The following ROBO3 variants were observed in gnomAD, a reference collection of about 807,000 sequenced individuals.
ROBO3 encodes the protein roundabout guidance receptor 3.
ROBO3 carries 97 observed loss-of-function variants against 160.5 expected under a neutral mutation model. The ratio of observed to expected loss-of-function variants is 0.60; its 90% CI spans 0.51 to 0.72. The LOEUF (loss-of-function observed/expected upper bound fraction) is 0.72, where lower values mean the gene tolerates loss of function less well. Ranked by LOEUF, ROBO3 falls within the 30% of genes least tolerant of loss-of-function variation. ROBO3 has a pLI of 0.00. For synonymous variants in ROBO3, 780 were observed against 746.2 expected (o/e 1.05, Z -0.74); for missense variants, 1,858 against 1,846.5 (o/e 1.01, Z -0.11).
Position 124,872,815 on chromosome 11 carries a change from T to A in ROBO3, c.1331-69T>A. 7.6e-7 allele frequency: 1 copy of A among 1,319,102 alleles called. No individual in the cohort carries two copies. Among genetic ancestry groups the A allele is most frequent in the East Asian group, 2.5e-5 (1 of 39,652 alleles). The allele number at this position is 1,319,102 out of a possible 1,614,324, so 81.7% of individuals were successfully genotyped here. A position where few individuals can be genotyped will look rare whatever the true frequency, so the allele number is the denominator to read the frequency against. ...GTAGGGAGGGTGAAGGAGCAGAGAA[T>A]GAGGACAAGGGGCTGCCCGCGGGGC... is the stretch of plus-strand genomic sequence containing the variant. On this transcript the variant is annotated intron_variant, in intron 8 of 27. Coordinates refer to ENST00000397801, the MANE Select transcript of ROBO3 (RefSeq NM_022370.4). This position sits in a 1 kb window ranked among gnomAD's most constrained non-coding sequence, Gnocchi z 4.3.
At chr11:124,879,999 G>A (rs1591523030) in intron 26 of ROBO3, 51 bp downstream of exon 26, 4 of 1,483,368 alleles carry the variant, frequency 2.7e-6, no homozygotes, top group African/African-American at 2.8e-5. Flanking sequence ...GAGACTGTGG[G>A]CTTTGGGACT....
chr11:124,878,897 G>C lies in ROBO3; in HGVS notation c.3533+101G>C. 9.6e-7 allele frequency: 1 copy of C among 1,036,872 alleles called. No homozygotes were observed. Among genetic ancestry groups the C allele is most frequent in the Non-Finnish European group, 1.4e-6 (1 of 704,834 alleles). 64.2% of individuals were successfully genotyped at this position (1,036,872 alleles called of 1,614,324 possible). A position where few individuals can be genotyped will look rare whatever the true frequency, so the allele number is the denominator to read the frequency against. On this transcript the variant is annotated intron_variant, in intron 23 of 27. Coordinates refer to ENST00000397801, the MANE Select transcript of ROBO3 (RefSeq NM_022370.4). This position sits in a 1 kb window ranked among gnomAD's most constrained non-coding sequence, Gnocchi z 4.3. Reference sequence around the variant, plus strand: ...ATGGATGGATGGGTGGATGGATCTGGGGTACAGAGGTCTCAGGGCTGTGTC... The same window carrying C: ...ATGGATGGATGGGTGGATGGATCTGCGGTACAGAGGTCTCAGGGCTGTGTC...
In ROBO3 at chr11:124,880,423, G is replaced by A. The variant is rs1407753314; in HGVS notation, c.3964G>A (p.Ala1322Thr). The change falls in exon 27 of 28, where the codon GCC (alanine) becomes ACC (threonine). Residue 1322 changes from alanine (A) to threonine (T), a missense_variant. Transcript: ENST00000397801. ...CCTTCCCTCTTGTGCTGCAGAAGAG[G>A]CCTGGCTCCCATACAGCAGACCAAG... is the stretch of plus-strand genomic sequence containing the variant. ...AQRVLHPDEE[A>T]WLPYSRPSFL... The A allele has an allele frequency of 1.2e-6, 2 of 1,613,306 alleles. No individual in the cohort carries two copies. Among genetic ancestry groups the A allele is most frequent in the Admixed American group, 1.7e-5 (1 of 59,944 alleles).
Position 124,875,621 on chromosome 11 carries a change from G to A in ROBO3, c.2357G>A (p.Ser786Asn), listed in dbSNP as rs753540806. The change falls in exon 15 of 28, where the codon AGT becomes AAT. Residue 786 changes from serine to asparagine, a missense_variant. Ser to Asn is a conservative substitution (Grantham distance 46, BLOSUM62 1). Coordinates refer to ENST00000397801, the MANE Select transcript of ROBO3 (RefSeq NM_022370.4). Reference protein sequence around the residue: ...AVALGGDGNSSITVSWEPPLP... With the variant: ...AVALGGDGNSNITVSWEPPLP... ...GCCTTGGGGGGTGATGGCAACAGCA[G>A]TATCACTGTGTCCTGGGAACCTCCA... 5.0e-6 allele frequency: 8 copies of A among 1,611,612 alleles called. No individual in the cohort carries two copies. The African/African-American group carries it at 9.4e-5, about 19-fold the overall frequency.
At position 124,869,211 on chromosome 11, in the gene ROBO3, G is replaced by T; in HGVS notation, c.487+83G>T. On this transcript the variant is annotated intron_variant, in intron 2 of 27. Transcript: ENST00000397801. This position sits in a 1 kb window ranked among gnomAD's most constrained non-coding sequence, Gnocchi z 4.2. ...CACTGGGCAATCAGACCCAGAACCAGCCCCAAAGGACTTCAGCCCACTCAG... is the reference window on the plus strand; with the variant it reads ...CACTGGGCAATCAGACCCAGAACCATCCCCAAAGGACTTCAGCCCACTCAG... 7.1e-7 allele frequency: 1 copy of T among 1,403,376 alleles called. No individual in the cohort carries two copies. Among genetic ancestry groups the T allele is most frequent in the Non-Finnish European group, 9.7e-7 (1 of 1,032,270 alleles). The allele number at this position is 1,403,376 out of a possible 1,614,324, so 86.9% of individuals were successfully genotyped here.
chr11:124,877,094 A>G (rs939466097), intron 17 of ROBO3, 67 bp from the exon 18 acceptor site: 23 of 1,547,610 alleles, frequency 1.5e-5, no homozygotes, highest in Non-Finnish European at 1.5e-5. Flanking sequence ...GTGGACAAGT[A>G]TAGGGGTATT....
In ROBO3 at chr11:124,869,691, G is replaced by A. The variant is rs1468252520; in HGVS notation, c.645+84G>A. 1.4e-6 allele frequency: 2 copies of A among 1,420,616 alleles called. No homozygotes were observed. Among genetic ancestry groups the A allele is most frequent in the South Asian group, 1.4e-5 (1 of 70,938 alleles). The allele number at this position is 1,420,616 out of a possible 1,614,324, so 88.0% of individuals were successfully genotyped here. A position where few individuals can be genotyped will look rare whatever the true frequency, so the allele number is the denominator to read the frequency against. On this transcript the variant is annotated intron_variant, in intron 3 of 27. Coordinates refer to ENST00000397801, the MANE Select transcript of ROBO3 (RefSeq NM_022370.4). The surrounding 1 kb of genome is among the most constrained non-coding windows in gnomAD (Gnocchi z 4.2). Reference sequence around the variant, plus strand: ...TGACAAGGCTGGAGATTGAGATCAGGGCATTAGCTAACCAGAGACTAAGAG... The same window carrying A: ...TGACAAGGCTGGAGATTGAGATCAGAGCATTAGCTAACCAGAGACTAAGAG...
At position 124,869,340 on chromosome 11, in the gene ROBO3, A is replaced by G. The variant is rs1946246983; in HGVS notation, c.488-110A>G. ...CTGATATTTTCTCACCTGGGAACGA[A>G]TTCCAGTCTGCAGCGATCAACCCCT... On this transcript the variant is annotated intron_variant, in intron 2 of 27. Transcript: ENST00000397801. The surrounding 1 kb of genome is among the most constrained non-coding windows in gnomAD (Gnocchi z 4.2). 8.4e-7 allele frequency: 1 copy of G among 1,186,762 alleles called. No individual in the cohort carries two copies. Among genetic ancestry groups the G allele is most frequent in the Admixed American group, 2.0e-5 (1 of 50,562 alleles). 73.5% of individuals were successfully genotyped at this position (1,186,762 alleles called of 1,614,324 possible).
Position 124,878,147 on chromosome 11 carries a change from C to T in ROBO3, c.3181+16C>T, listed in dbSNP as rs368242002. The T allele has an allele frequency of 4.1e-5, 66 of 1,593,714 alleles. No homozygotes were observed. Among genetic ancestry groups the T allele is most frequent in the Non-Finnish European group, 5.4e-5 (63 of 1,170,350 alleles). ...GGGGACAGTGGTATGACTCCAACTC[C>T]TGAAACCCCGTTTAGCCCTGACCAG... On this transcript the variant is annotated intron_variant, in intron 21 of 27. Coordinates refer to ENST00000397801, the MANE Select transcript of ROBO3 (RefSeq NM_022370.4). The surrounding 1 kb of genome is among the most constrained non-coding windows in gnomAD (Gnocchi z 4.3).
At position 124,873,926 on chromosome 11, in the gene ROBO3, G is replaced by A; in HGVS notation, c.1784+64G>A. 6.2e-7 allele frequency: 1 copy of A among 1,600,690 alleles called. No individual in the cohort carries two copies. The highest frequency in any genetic ancestry group is 8.6e-7 in the Non-Finnish European group (1 of 1,169,378). On this transcript the variant is annotated intron_variant, in intron 11 of 27. Transcript: ENST00000397801. This position sits in a 1 kb window ranked among gnomAD's most constrained non-coding sequence, Gnocchi z 4.5. ...AAGGAGGGGATCCTATGCCCTTAGG[G>A]TCTTTGCTATTGTGAGGTGGGATTC...
chr11:124,873,337 G>A lies in ROBO3; in HGVS notation c.1564G>A (p.Val522Met), dbSNP rs183815001. ...QEMDMGFYSC[V>M]AKSSTGEATW... ...GATGGACATGGGCTTCTACAGCTGCGTGGCCAAGAGTTCCACAGGGGAAGC... is the reference window on the plus strand; with the variant it reads ...GATGGACATGGGCTTCTACAGCTGCATGGCCAAGAGTTCCACAGGGGAAGC... Residue 522 changes from valine to methionine, a missense_variant, in exon 10 of 28, where the codon GTG becomes ATG. Physicochemically the swap from Val to Met is conservative, Grantham distance 21. Coordinates refer to ENST00000397801, the MANE Select transcript of ROBO3 (RefSeq NM_022370.4). The surrounding 1 kb of genome is among the most constrained non-coding windows in gnomAD (Gnocchi z 4.5). The A allele has an allele frequency of 6.0e-5, 97 of 1,611,846 alleles. No individual in the cohort carries two copies. Among genetic ancestry groups the A allele is most frequent in the Admixed American group, 1.2e-4 (7 of 59,770 alleles).
chr11:124,875,404 G>T, intron 14 of ROBO3, 68 bp downstream of exon 14: 2 of 1,354,108 alleles, frequency 1.5e-6, no homozygotes, highest in Admixed American at 1.9e-5. Flanking sequence ...GGTGGAGGGG[G>T]GATGAAAATT....
At chr11:124,868,569 C>G in intron 1 of ROBO3, 5 of 642,120 alleles carry the variant, frequency 7.8e-6, no homozygotes, top group Non-Finnish European at 5.7e-6. Flanking sequence ...GTGTCCCGAT[C>G]CCTCTACTAA....
chr11:124,879,365 G>GC (rs757506247), intron 24 of ROBO3, 24 bp downstream of exon 24: 32 of 1,606,220 alleles, frequency 2.0e-5, no homozygotes, highest in African/African-American at 4.0e-5. Flanking sequence ...ACCTCCTTTT[G>GC]CCCCCCGGCT....
rs1169899535 is a variant in ROBO3, at chr11:124,878,569, C to A, written c.3321-15C>A. The A allele has an allele frequency of 6.2e-7, 1 of 1,608,164 alleles. No individual in the cohort carries two copies. Among genetic ancestry groups the A allele is most frequent in the Admixed American group, 1.7e-5 (1 of 59,234 alleles). On this transcript the variant is annotated splice_polypyrimidine_tract_variant and intron_variant, in intron 22 of 27. Transcript: ENST00000397801. The surrounding 1 kb of genome is among the most constrained non-coding windows in gnomAD (Gnocchi z 4.3). The stretch of plus-strand genomic sequence containing the variant: ...AGCTGAGCCCTTTCCTTCTCTCCTG[C>A]CTCTTTGATCCCAGCTCAGAGCCAG...
Position 124,869,429 on chromosome 11 carries a change from G to GCGGGC in ROBO3, c.488-20_488-19insGGGCC. On this transcript the variant is annotated intron_variant, in intron 2 of 27. Transcript: ENST00000397801. This position sits in a 1 kb window ranked among gnomAD's most constrained non-coding sequence, Gnocchi z 4.2. Reference sequence around the variant, plus strand: ...TGTCACTCTACACCCTGCTTATTTCGCCCCCCACCGCCCCGCCCAGTCCTC... The same window carrying GCGGGC: ...TGTCACTCTACACCCTGCTTATTTCGCGGGCCCCCCCACCGCCCCGCCCAGTCCTC... The GCGGGC allele has an allele frequency of 3.1e-6, 4 of 1,295,754 alleles. No homozygotes were observed. The highest frequency in any genetic ancestry group is 4.3e-6 in the Non-Finnish European group (4 of 929,934). 80.3% of individuals were successfully genotyped at this position (1,295,754 alleles called of 1,614,324 possible).
chr11:124,865,857 C>G lies in ROBO3; in HGVS notation c.160+120C>G, dbSNP rs868125136. Reference sequence around the variant, plus strand: ...TCCGGGATTGAGTGGCGCCTCCCAGCGCCTCCCTGGGTCGTGGGGTCTAAG... The same window carrying G: ...TCCGGGATTGAGTGGCGCCTCCCAGGGCCTCCCTGGGTCGTGGGGTCTAAG... On this transcript the variant is annotated intron_variant, in intron 1 of 27. Transcript: ENST00000397801. This position sits in a 1 kb window ranked among gnomAD's most constrained non-coding sequence, Gnocchi z 5.5. 5.1e-6 allele frequency: 6 copies of G among 1,171,944 alleles called. No individual in the cohort carries two copies. The highest frequency in any genetic ancestry group is 1.5e-5 in the African/African-American group (1 of 64,810). 72.6% of individuals were successfully genotyped at this position (1,171,944 alleles called of 1,614,324 possible).
rs750502204 is a variant in ROBO3 at position 124,879,924 on chromosome 11, G to A, written c.3934G>A (p.Ala1312Thr). ...AGCGGTCCAGGCCGTGCCCCTGGCA[G>A]CCCAGCGGGTGCTCCACCCAGATGG... is the stretch of plus-strand genomic sequence containing the variant. The part of the protein sequence containing the change: ...RKAVQAVPLA[A>T]QRVLHPDEEA... Residue 1312 changes from alanine (A) to threonine (T), a missense_variant, in exon 26 of 28, where the codon GCC becomes ACC. Transcript: ENST00000397801. The A allele has an allele frequency of 2.6e-5, 42 of 1,594,136 alleles. No individual in the cohort carries two copies. The highest frequency in any genetic ancestry group is 3.6e-5 in the Non-Finnish European group (42 of 1,171,080).
chr11:124,865,472 C>T lies in ROBO3; in HGVS notation c.-106C>T. ...GGCAGGAGAGCGGCACCGTGGCTGC[C>T]GCAGCGCGCAGAGGCTGTGGAGGGG... On this transcript the variant is annotated 5_prime_UTR_variant, in exon 1 of 28. Transcript: ENST00000397801. This position sits in a 1 kb window ranked among gnomAD's most constrained non-coding sequence, Gnocchi z 5.5. 2 of 1,208,054 alleles carry T rather than the reference C, an allele frequency of 1.7e-6. No homozygotes were observed. Among genetic ancestry groups the T allele is most frequent in the Non-Finnish European group, 2.3e-6 (2 of 873,120 alleles). The allele number at this position is 1,208,054 out of a possible 1,614,324, so 74.8% of individuals were successfully genotyped here.
Sources: gnomAD v4.1 joint callset for allele counts on GRCh38, gnomAD v4.1.1 for gene constraint, Gnocchi (gnomAD v3.1) non-coding constraint, MANE v1.5 for transcripts, NCBI Gene and HGNC (gene_info 2026-07-23, HGNC 2026-07-21) for gene names.